The following KSR2 variants were observed in gnomAD, a reference collection of about 807,000 sequenced individuals.
KSR2 encodes the protein kinase suppressor of ras 2.
Under a neutral mutation model 107.8 loss-of-function variants are expected in KSR2, and 25 were observed. The observed-to-expected ratio is 0.23, with a 90% CI of 0.17 to 0.32. The LOEUF is 0.32. Among genes scored for constraint, KSR2 ranks in the 10% least tolerant of loss-of-function variants. The pLI is 1.00. For missense variants in KSR2, 887 were observed against 1,268.9 expected (o/e 0.70, Z 4.57); for synonymous variants, 480 against 507.0 (o/e 0.95, Z 0.71).
intron 3 of KSR2, among the ~76,000 whole-genome samples, chr12:117,777,088 TTA>T (rs1288633301): frequency 2.2e-3 from 295 of 132,448 alleles, no homozygotes; most frequent in Non-Finnish European, 3.5e-3. Flanking sequence ...TATATATATT[TTA>T]TATATATATA....
chr12:117,848,834 A>ATGGTGGTAGTGGTG, intron 3 of KSR2, among the ~76,000 whole-genome samples: 1 of 133,834 alleles, frequency 7.5e-6, no homozygotes, highest in South Asian at 2.3e-4. Context: ...TGATGGTGGT[A>ATGGTGGTAGTGGTG]GTGGTGGTGA....
intron 17 of KSR2, among the ~76,000 whole-genome samples, chr12:117,473,093 A>G (rs952603777): frequency 1.3e-5 from 2 of 152,092 alleles, no homozygotes; most frequent in Non-Finnish European, 2.9e-5. Context: ...AAACAAGCCA[A>G]TCCTAAGTCT....
At chr12:117,772,965 A>G (rs562314952) in intron 3 of KSR2, among the ~76,000 whole-genome samples, 2 of 152,300 alleles carry the variant, frequency 1.3e-5, no homozygotes, top group South Asian at 4.1e-4. Flanking sequence ...CCACCCCTAC[A>G]CTTCAAAACT....
In KSR2 at chr12:117,455,813, A is replaced by C. The variant is rs1870589872; in HGVS notation, c.*11386T>G. 1 of 152,152 alleles carries C rather than the reference A, an allele frequency of 6.6e-6. No homozygotes were observed. Among genetic ancestry groups the C allele is most frequent in the African/African-American group, 2.4e-5 (1 of 41,412 alleles). The allele number at this position is 152,152 out of a possible 1,614,324, so 9.4% of individuals were successfully genotyped here. A position where few individuals can be genotyped will look rare whatever the true frequency, so the allele number is the denominator to read the frequency against. The stretch of plus-strand genomic sequence containing the variant: ...GTAGGCATTTGAAATCCACCAATGT[A>C]CCCAAAAATAGGGCTATGAGGAAAC... On this transcript the variant is annotated 3_prime_UTR_variant, in exon 20 of 20. Coordinates refer to ENST00000339824, the MANE Select transcript of KSR2 (RefSeq NM_173598.6).
At chr12:117,515,857 C>T (rs1411162279) in intron 14 of KSR2, among the ~76,000 whole-genome samples, 3 of 152,168 alleles carry the variant, frequency 2.0e-5, no homozygotes, top group African/African-American at 7.2e-5. Context: ...ATCCAGGAGG[C>T]GCAGGTTGCA....
chr12:117,456,152 A>T lies in KSR2; in HGVS notation c.*11047T>A, dbSNP rs1870606396. Reference sequence around the variant, plus strand: ...AGATAGACTTCCGAAAAGAAGGAAGAAGGAGCCAGGCAAAGATTTATGCAT... The same window carrying T: ...AGATAGACTTCCGAAAAGAAGGAAGTAGGAGCCAGGCAAAGATTTATGCAT... On this transcript the variant is annotated 3_prime_UTR_variant, in exon 20 of 20. Coordinates refer to ENST00000339824, the MANE Select transcript of KSR2 (RefSeq NM_173598.6). 6.6e-6 allele frequency: 1 copy of T among 152,458 alleles called. No individual in the cohort carries two copies. Among genetic ancestry groups the T allele is most frequent in the African/African-American group, 2.4e-5 (1 of 41,472 alleles). The allele number at this position is 152,458 out of a possible 1,614,324, so 9.4% of individuals were successfully genotyped here.
chr12:117,539,806 G>A lies in KSR2; in HGVS notation c.1600C>T (p.Pro534Ser). Residue 534 changes from proline (P) to serine (S), a missense_variant, in exon 10 of 20, where the codon CCC (proline) becomes TCC (serine). By Grantham distance (74) the Pro-to-Ser change is moderately conservative. Coordinates refer to ENST00000339824, the MANE Select transcript of KSR2 (RefSeq NM_173598.6). Reference protein sequence around the residue: ...TTSSTPSSPAPPLPPSATPPS... With the variant: ...TTSSTPSSPASPLPPSATPPS... Reference sequence around the variant, plus strand: ...GGCGTGGCACTAGGAGGGAGGGGGGGTGCTGGCGAGGAGGGCGTGGAGGAC... The same window carrying A: ...GGCGTGGCACTAGGAGGGAGGGGGGATGCTGGCGAGGAGGGCGTGGAGGAC... 6.2e-6 allele frequency: 10 copies of A among 1,608,456 alleles called. No individual in the cohort carries two copies. Among genetic ancestry groups the A allele is most frequent in the African/African-American group, 1.3e-5 (1 of 74,708 alleles).
intron 3 of KSR2, among the ~76,000 whole-genome samples, chr12:117,775,490 T>A (rs1889655627): frequency 6.6e-6 from 1 of 152,226 alleles, no homozygotes; most frequent in African/African-American, 2.4e-5. Flanking sequence ...CTCATAACAA[T>A]CTTGTGAGAT....
intron 3 of KSR2, among the ~76,000 whole-genome samples, chr12:117,827,805 A>G (rs1298759635): frequency 6.6e-6 from 1 of 152,216 alleles, no homozygotes; most frequent in African/African-American, 2.4e-5. Flanking sequence ...ATGTCATAGA[A>G]GGTGATGAAA....
chr12:117,756,391 C>T (rs536015530), intron 4 of KSR2, among the ~76,000 whole-genome samples: 6 of 152,254 alleles, frequency 3.9e-5, no homozygotes, highest in East Asian at 1.9e-4. Context: ...AGGGCTCTTA[C>T]GAATTACGCT....
At chr12:117,873,562 G>T (rs949822037) in intron 1 of KSR2, among the ~76,000 whole-genome samples, 6 of 147,664 alleles carry the variant, frequency 4.1e-5, no homozygotes, top group Admixed American at 2.1e-4. Flanking sequence ...CCGGGTCCAA[G>T]CGATTCTCGT....
intron 5 of KSR2, among the ~76,000 whole-genome samples, chr12:117,631,753 A>C (rs1057306259): frequency 1.3e-5 from 2 of 152,224 alleles, no homozygotes; most frequent in Non-Finnish European, 2.9e-5. Flanking sequence ...TAAAGCAGGG[A>C]TAATTACCAT....
Position 117,907,392 on chromosome 12 carries a change from G to A in KSR2, c.181-46961C>T, listed in dbSNP as rs555176730. On this transcript the variant is annotated intron_variant, in intron 1 of 19. Coordinates refer to ENST00000339824, the MANE Select transcript of KSR2 (RefSeq NM_173598.6). The surrounding 1 kb of genome is among the most constrained non-coding windows in gnomAD (Gnocchi z 4.3). The stretch of plus-strand genomic sequence containing the variant: ...AGTCCTCCATCCTGTGAATCCAGGT[G>A]TGCTGGGTCTGCGTGCTCAAGACGA... Among the ~76,000 whole-genome samples, 158 of 152,274 alleles carry A rather than the reference G, an allele frequency of 1.0e-3. No individual in the cohort carries two copies. Among genetic ancestry groups the A allele is most frequent in the Non-Finnish European group, 2.0e-3 (138 of 68,022 alleles).
At chr12:117,888,434 G>C (rs948650861) in intron 1 of KSR2, among the ~76,000 whole-genome samples, 5 of 152,146 alleles carry the variant, frequency 3.3e-5, no homozygotes, top group African/African-American at 1.2e-4. Flanking sequence ...GAGTGATGGG[G>C]AGTGTTCTGA....
chr12:117,718,146 C>T (rs1412638663), intron 4 of KSR2, among the ~76,000 whole-genome samples: 2 of 152,202 alleles, frequency 1.3e-5, no homozygotes, highest in Admixed American at 1.3e-4. Context: ...TCGAAAATTA[C>T]TTTTATGACT....
chr12:117,561,883 A>T (rs1404620828), intron 7 of KSR2, among the ~76,000 whole-genome samples: 1 of 152,222 alleles, frequency 6.6e-6, no homozygotes, highest in Non-Finnish European at 1.5e-5. Context: ...GCTAAATGTG[A>T]AACGGGCCTT....
intron 1 of KSR2, among the ~76,000 whole-genome samples, chr12:117,929,413 C>T (rs893856451): frequency 2.6e-5 from 4 of 152,178 alleles, no homozygotes; most frequent in Non-Finnish European, 4.4e-5. Flanking sequence ...TTATTCTTCT[C>T]TTGTCTGCAG....
chr12:117,485,432 T>C (rs561826654), intron 15 of KSR2, among the ~76,000 whole-genome samples, 163 bp downstream of exon 15: 7 of 152,300 alleles, frequency 4.6e-5, no homozygotes, highest in African/African-American at 1.4e-4. Context: ...TTCTTACTTA[T>C]ACATGGCCTG....
intron 5 of KSR2, among the ~76,000 whole-genome samples, chr12:117,610,721 A>G (rs919039240): frequency 7.1e-5 from 10 of 141,428 alleles, no homozygotes; most frequent in Admixed American, 6.8e-4. Context: ...CCTGGGTGAC[A>G]GAGTGAGACC....
Sources: gnomAD v4.1 joint callset for allele counts (sites outside exome capture counted in the v4.1 genomes callset) on GRCh38, gnomAD v4.1.1 for gene constraint, Gnocchi (gnomAD v3.1) non-coding constraint, MANE v1.5 for transcripts, NCBI Gene and HGNC (gene_info 2026-07-23, HGNC 2026-07-21) for gene names.